Variants in CHRDL2 observed in about 807,000 individuals in gnomAD.
CHRDL2 encodes chordin-like protein 2.
In CHRDL2, 41 loss-of-function variants were observed where a neutral mutation model predicts 54.3. The ratio of observed to expected loss-of-function variants is 0.76; its 90% CI spans 0.59 to 0.98. The LOEUF (loss-of-function observed/expected upper bound fraction) is 0.98, where lower values mean the gene tolerates loss of function less well. CHRDL2 is among the 50% of genes least tolerant of loss of function. The probability of loss-of-function intolerance (pLI) is 0.00; values close to 1 mark genes in which losing one functional copy is unlikely to be tolerated. For synonymous variants in CHRDL2, 220 were observed against 224.3 expected (o/e 0.98, Z 0.17); for missense variants, 518 against 562.4 (o/e 0.92, Z 0.80).
chr11:74,702,555 TC>T (rs1350693788), intron 9 of CHRDL2, among the ~76,000 whole-genome samples: 2 of 152,028 alleles, frequency 1.3e-5, no homozygotes, highest in Non-Finnish European at 2.9e-5. Flanking sequence ...AACAGCGCCT[TC>T]CCCCCAGGAG....
intron 2 of CHRDL2, among the ~76,000 whole-genome samples, chr11:74,714,670 C>T (rs7951634): frequency 0.38 from 57,828 of 152,102 alleles, 11,213 homozygotes; most frequent in African/African-American, 0.46. Context: ...AGAGGCCCAA[C>T]GCACATGGGT....
chr11:74,700,625 A>T (rs1412197754), intron 9 of CHRDL2, among the ~76,000 whole-genome samples: 3 of 125,540 alleles, frequency 2.4e-5, no homozygotes, highest in African/African-American at 9.5e-5. Context: ...TCTTTTTTTT[A>T]TTATTATTAT....
rs561496547 is a variant in CHRDL2 at position 74,701,806 on chromosome 11, C to T, written c.1120+988G>A. Among the ~76,000 whole-genome samples, 52 of 152,208 alleles carry T rather than the reference C, an allele frequency of 3.4e-4. No individual in the cohort carries two copies. The South Asian group carries it at 9.6e-3, about 28-fold the overall frequency. Reference sequence around the variant, plus strand: ...ATCATTCCCTCTTCCACCCCCACCCCGCCAGCCAAAACCATCAGTAGAGGA... The same window carrying T: ...ATCATTCCCTCTTCCACCCCCACCCTGCCAGCCAAAACCATCAGTAGAGGA... On this transcript the variant is annotated intron_variant, in intron 9 of 10. Coordinates refer to ENST00000376332, the MANE Select transcript of CHRDL2 (RefSeq NM_001278473.3).
At chr11:74,706,439 G>A (rs2034010777) in intron 6 of CHRDL2, 48 bp downstream of exon 6, 2 of 1,589,090 alleles carry the variant, frequency 1.3e-6, no homozygotes, top group Non-Finnish European at 8.6e-7. Flanking sequence ...TTAGGCCCTG[G>A]ATCCCAGCCC....
rs772610323 is a variant in CHRDL2, at chr11:74,704,577, G to A, written c.660C>T (p.Ser220=). 1.1e-5 allele frequency: 18 copies of A among 1,591,888 alleles called. No homozygotes were observed. The highest frequency in any genetic ancestry group is 1.5e-5 in the Non-Finnish European group (18 of 1,170,330). ...GPGTPAPTGL[S]APLSFIPRHF... is the part of the protein sequence containing the mutation. ...GGCGAGGGATGAAGCTCAGAGGGGC[G>A]CTGAGGCCAGTGGGGGCTGGGGTGC... The change falls in exon 7 of 11, where the codon AGC becomes AGT. Residue 220 remains serine, a synonymous_variant. Coordinates refer to ENST00000376332, the MANE Select transcript of CHRDL2 (RefSeq NM_001278473.3).
chr11:74,711,203 T>A (rs2034183509), intron 3 of CHRDL2, among the ~76,000 whole-genome samples: 1 of 152,130 alleles, frequency 6.6e-6, no homozygotes, highest in Non-Finnish European at 1.5e-5. Flanking sequence ...CTCCCTCCCA[T>A]GACCTCTACC....
At chr11:74,707,919 G>A (rs1287467963) in intron 5 of CHRDL2, among the ~76,000 whole-genome samples, 1 of 152,128 alleles carries the variant, frequency 6.6e-6, no homozygotes, top group Non-Finnish European at 1.5e-5. Context: ...TTGGTGGCTG[G>A]TGGACACATT....
chr11:74,712,757 C>A (rs2034238087), intron 3 of CHRDL2, among the ~76,000 whole-genome samples: 1 of 152,174 alleles, frequency 6.6e-6, no homozygotes, highest in East Asian at 1.9e-4. Context: ...CCAAGTTGGC[C>A]TCCCCTCTGG....
intron 6 of CHRDL2, 54 bp downstream of exon 6, chr11:74,706,433 G>T (rs1768544557): frequency 1.9e-6 from 3 of 1,557,154 alleles, no homozygotes; most frequent in Non-Finnish European, 2.7e-6. Context: ...CGAGATTTAG[G>T]CCCTGGATCC....
intron 3 of CHRDL2, 123 bp downstream of exon 3, chr11:74,713,263 T>C (rs2034250797): frequency 1.3e-6 from 1 of 773,618 alleles, no homozygotes; most frequent in Non-Finnish European, 2.1e-6. Context: ...AGCACCTTTG[T>C]GTGTCTACAC....
At chr11:74,729,715 G>A (rs943960754) in intron 1 of CHRDL2, among the ~76,000 whole-genome samples, 5 of 152,208 alleles carry the variant, frequency 3.3e-5, no homozygotes, top group African/African-American at 1.2e-4. Flanking sequence ...GGAACGCAGG[G>A]TCTTAATCCC....
At chr11:74,703,004 C>T (rs1197442055) in intron 8 of CHRDL2, 37 bp from the exon 9 acceptor site, 19 of 1,558,340 alleles carry the variant, frequency 1.2e-5, no homozygotes, top group East Asian at 6.8e-5. Context: ...GTTCAATAAA[C>T]GTTGGCTGTA....
chr11:74,719,953 A>G (rs1201181511), intron 1 of CHRDL2, among the ~76,000 whole-genome samples: 2 of 151,846 alleles, frequency 1.3e-5, no homozygotes, highest in African/African-American at 2.4e-5. Context: ...ACCCTCCTCT[A>G]CGCAGGTACC....
At chr11:74,705,511 G>A (rs1190144695) in intron 6 of CHRDL2, among the ~76,000 whole-genome samples, 1 of 152,220 alleles carries the variant, frequency 6.6e-6, no homozygotes, top group African/African-American at 2.4e-5. Flanking sequence ...GCCCCAGCAC[G>A]GGCTCAGGCA....
At chr11:74,713,526 T>C (rs779977139) in intron 2 of CHRDL2, 47 bp from the exon 3 acceptor site, 36 of 1,485,116 alleles carry the variant, frequency 2.4e-5, no homozygotes, top group Middle Eastern at 1.7e-4. Context: ...ACCATCGTCT[T>C]CCACCTGTAC....
chr11:74,729,158 A>G (rs1254180258), intron 1 of CHRDL2, among the ~76,000 whole-genome samples: 1 of 152,240 alleles, frequency 6.6e-6, no homozygotes, highest in Non-Finnish European at 1.5e-5. Context: ...AAGGGCAATG[A>G]TATCTGGAGA....
intron 3 of CHRDL2, among the ~76,000 whole-genome samples, chr11:74,711,392 CAA>C (rs1328241184): frequency 6.6e-6 from 1 of 152,202 alleles, no homozygotes; most frequent in Non-Finnish European, 1.5e-5. Flanking sequence ...CAGCAGTGAG[CAA>C]AAGAGTCCCT....
chr11:74,707,595 T>C (rs1053331086), intron 5 of CHRDL2, among the ~76,000 whole-genome samples: 2 of 152,132 alleles, frequency 1.3e-5, no homozygotes, highest in African/African-American at 4.8e-5. Flanking sequence ...GGATGAGACG[T>C]AGTCCTTACC....
In CHRDL2 at chr11:74,708,339, G is replaced by C; in HGVS notation, c.489C>G (p.Pro163=). ...TTCPEPGCPA[P]LPLPDSCCQA... ...GGCAGCAGGAGTCTGGCAGCGGGAG[G>C]GGTGCTGGGCAGCCTGGTTCGGGGC... The change falls in exon 5 of 11, where the codon CCC becomes CCG. Residue 163 remains proline, a synonymous_variant. Coordinates refer to ENST00000376332, the MANE Select transcript of CHRDL2 (RefSeq NM_001278473.3). 2 of 1,581,536 alleles carry C rather than the reference G, an allele frequency of 1.3e-6. No individual in the cohort carries two copies. Among genetic ancestry groups the C allele is most frequent in the Non-Finnish European group, 1.7e-6 (2 of 1,167,802 alleles).
Sources: allele counts gnomAD v4.1 joint callset (sites outside exome capture counted in the v4.1 genomes callset), GRCh38; gene constraint gnomAD v4.1.1; transcripts MANE v1.5; gene names NCBI Gene and HGNC (gene_info 2026-07-23, HGNC 2026-07-21).